SLC2A9: variants seen among roughly 807,000 people sequenced by gnomAD.
SLC2A9 encodes the protein solute carrier family 2, facilitated glucose transporter member 9.
In SLC2A9, 39 loss-of-function variants were observed where a neutral mutation model predicts 50.6. The ratio of observed to expected loss-of-function variants is 0.77; its 90% CI spans 0.60 to 1.01. SLC2A9 has a LOEUF of 1.01. Ranked by LOEUF, SLC2A9 falls within the 50% of genes least tolerant of loss-of-function variation. The pLI is 0.00. For synonymous variants in SLC2A9, 324 were observed against 276.9 expected (o/e 1.17, Z -1.69); for missense variants, 686 against 677.6 (o/e 1.01, Z -0.14).
chr4:9,786,548 G>T (rs1719246502), intron 3 of SLC2A9, among the ~76,000 whole-genome samples: 1 of 152,206 alleles, frequency 6.6e-6, no homozygotes, highest in African/African-American at 2.4e-5. Flanking sequence ...CTTTGTGTTT[G>T]GAGGGAAGGC....
chr4:9,985,636 T>C (rs1254871326), intron 4 of SLC2A9, 33 bp downstream of exon 4: 1 of 1,613,748 alleles, frequency 6.2e-7, no homozygotes, highest in Non-Finnish European at 8.5e-7. Flanking sequence ...AGGAGTATGT[T>C]ACTGTTCCCT....
chr4:9,895,911 A>G (rs917563795), intron 8 of SLC2A9, among the ~76,000 whole-genome samples: 2 of 152,186 alleles, frequency 1.3e-5, no homozygotes, highest in Non-Finnish European at 2.9e-5. Flanking sequence ...TGCTTATTGC[A>G]GTGTTTTTGA....
intron 8 of SLC2A9, among the ~76,000 whole-genome samples, chr4:9,899,006 C>G (rs751443153): frequency 6.6e-6 from 1 of 152,226 alleles, no homozygotes; most frequent in Non-Finnish European, 1.5e-5. Flanking sequence ...CCCCCTCTCT[C>G]TCTCTCTTTC....
chr4:9,981,251 A>G (rs1394207237), intron 4 of SLC2A9, among the ~76,000 whole-genome samples: 1 of 1,132 alleles, frequency 8.8e-4, no homozygotes, highest in East Asian at 0.019. Context: ...TGGTTGTGGC[A>G]ATGATGATGA....
In SLC2A9 at chr4:10,003,289, C is replaced by G. The variant is rs111580179; in HGVS notation, c.250-6348G>C. 3.7e-3 allele frequency among the ~76,000 whole-genome samples: 568 copies of G among 152,218 alleles called. 6 individuals are homozygous for G. The highest frequency in any genetic ancestry group is 0.013 in the African/African-American group (533 of 41,524). Reference sequence around the variant, plus strand: ...GGAAGGCCTCAGTAATGACTGGCTTCCTGGAATTAATGTAAGGAAATGAAA... The same window carrying G: ...GGAAGGCCTCAGTAATGACTGGCTTGCTGGAATTAATGTAAGGAAATGAAA... On this transcript the variant is annotated intron_variant, in intron 2 of 11. Coordinates refer to ENST00000264784, the MANE Select transcript of SLC2A9 (RefSeq NM_020041.3).
chr4:9,938,093 T>C (rs1473643639), intron 6 of SLC2A9, among the ~76,000 whole-genome samples: 1 of 152,316 alleles, frequency 6.6e-6, no homozygotes, highest in Admixed American at 6.5e-5. Flanking sequence ...AATAAGTGAA[T>C]TAAATTGGCA....
At chr4:10,035,586 TA>T (rs1764074886) in intron 1 of SLC2A9, 1 of 152,088 alleles carries the variant, frequency 6.6e-6, no homozygotes, top group Non-Finnish European at 1.5e-5. Context: ...GTGCCTGAAT[TA>T]AAGAATCCCT....
At chr4:9,938,845 T>A (rs1433171706) in intron 6 of SLC2A9, among the ~76,000 whole-genome samples, 1 of 152,108 alleles carries the variant, frequency 6.6e-6, no homozygotes, top group Non-Finnish European at 1.5e-5. Flanking sequence ...TCTCCTAAAC[T>A]GACAAGGGTG....
chr4:9,843,244 G>T (rs1728389457), intron 10 of SLC2A9, among the ~76,000 whole-genome samples: 4 of 152,170 alleles, frequency 2.6e-5, no homozygotes, highest in African/African-American at 9.7e-5. Context: ...AAGATAACAA[G>T]AATCTTTGCT....
chr4:9,822,013 A>C (rs921304651), downstream of SLC2A9, among the ~76,000 whole-genome samples: 1 of 152,220 alleles, frequency 6.6e-6, no homozygotes, highest in African/African-American at 2.4e-5. Flanking sequence ...ATTTACAGGC[A>C]GGGTTATTAA....
downstream of SLC2A9, among the ~76,000 whole-genome samples, chr4:9,795,007 CTT>C (rs3060726): frequency 6.0e-3 from 572 of 95,178 alleles, 3 homozygotes; most frequent in African/African-American, 0.022. Context: ...TTAACCCATC[CTT>C]TTTTTTTTTT....
intron 3 of SLC2A9, among the ~76,000 whole-genome samples, chr4:9,790,371 G>T (rs139357422): frequency 1.3e-3 from 205 of 152,298 alleles, no homozygotes; most frequent in African/African-American, 4.6e-3. Context: ...AGTGAGATCT[G>T]CTCAGCATGG....
intron 11 of SLC2A9, among the ~76,000 whole-genome samples, chr4:9,831,451 A>T (rs992596735): frequency 3.9e-5 from 6 of 152,132 alleles, no homozygotes; most frequent in African/African-American, 1.4e-4. Context: ...ATCCAGAGTG[A>T]CTCAGTGAGT....
At chr4:10,028,742 G>A (rs958848285) in intron 1 of SLC2A9, among the ~76,000 whole-genome samples, 2 of 152,184 alleles carry the variant, frequency 1.3e-5, no homozygotes, top group Non-Finnish European at 2.9e-5. Flanking sequence ...AAGGCACCCT[G>A]GCATTAGGTC....
At chr4:9,927,963 G>A (rs1577930896) in intron 6 of SLC2A9, among the ~76,000 whole-genome samples, 1 of 152,180 alleles carries the variant, frequency 6.6e-6, no homozygotes, top group Admixed American at 6.5e-5. Context: ...GAATATACAG[G>A]TGGCTTGTAA....
At chr4:9,972,422 C>T (rs186994344) in intron 5 of SLC2A9, among the ~76,000 whole-genome samples, 1 of 152,260 alleles carries the variant, frequency 6.6e-6, no homozygotes, top group African/African-American at 2.4e-5. Context: ...TCAGCCATGA[C>T]AATTGTTTTA....
chr4:9,802,947 T>C (rs1721654674), intron 3 of SLC2A9, among the ~76,000 whole-genome samples: 1 of 152,202 alleles, frequency 6.6e-6, no homozygotes, highest in African/African-American at 2.4e-5. Flanking sequence ...AAGACCCCAA[T>C]TAACTTCCCC....
At chr4:9,847,074 A>G (rs1276873399) in intron 10 of SLC2A9, among the ~76,000 whole-genome samples, 1 of 152,170 alleles carries the variant, frequency 6.6e-6, no homozygotes, top group Non-Finnish European at 1.5e-5. Context: ...CCTGCCTCTT[A>G]GGTCTGTACT....
intron 10 of SLC2A9, among the ~76,000 whole-genome samples, chr4:9,839,646 T>TA (rs992295688): frequency 1.3e-5 from 2 of 151,828 alleles, no homozygotes; most frequent in Non-Finnish European, 2.9e-5. Flanking sequence ...TATGCAGCCA[T>TA]AAAAAAAGAA....
Sources: gnomAD v4.1 joint callset for allele counts (sites outside exome capture counted in the v4.1 genomes callset) on GRCh38, gnomAD v4.1.1 for gene constraint, MANE v1.5 for transcripts, NCBI Gene and HGNC (gene_info 2026-07-23, HGNC 2026-07-21) for gene names.